ADGRL1: variants seen among roughly 807,000 people sequenced by gnomAD.
The protein encoded by ADGRL1 is adhesion G protein-coupled receptor L1, also known as CIRL-1.
A neutral mutation model predicts 148.9 loss-of-function variants in ADGRL1; 31 were observed. That is an observed-to-expected ratio of 0.21 (90% confidence interval 0.16 to 0.28). The LOEUF (loss-of-function observed/expected upper bound fraction) is 0.28, where lower values mean the gene tolerates loss of function less well. Ranked by LOEUF, ADGRL1 falls within the 10% of genes least tolerant of loss-of-function variation. The probability of loss-of-function intolerance (pLI) is 1.00; values close to 1 mark genes in which losing one functional copy is unlikely to be tolerated. For missense variants in ADGRL1, 1,521 were observed against 2,058.8 expected (o/e 0.74, Z 5.05); for synonymous variants, 937 against 900.3 (o/e 1.04, Z -0.73).
At chr19:14,181,023 G>A (rs1347044521) in intron 2 of ADGRL1, among the ~76,000 whole-genome samples, 1 of 152,088 alleles carries the variant, frequency 6.6e-6, no homozygotes, top group Non-Finnish European at 1.5e-5. Flanking sequence ...ACTCCAGCCT[G>A]GGCGACAGAG....
At chr19:14,201,321 G>GT (rs1436413917) in intron 1 of ADGRL1, among the ~76,000 whole-genome samples, 7 of 132,432 alleles carry the variant, frequency 5.3e-5, no homozygotes, top group Non-Finnish European at 8.0e-5. Flanking sequence ...TTTTGGCGGG[G>GT]TGGGGGGGGG....
intron 1 of ADGRL1, among the ~76,000 whole-genome samples, chr19:14,201,744 G>T (rs1175321792): frequency 6.6e-6 from 1 of 152,074 alleles, no homozygotes; most frequent in African/African-American, 2.4e-5. Context: ...CGCACACTGT[G>T]GGCCAGTGAT....
chr19:14,161,216 G>T lies in ADGRL1; in HGVS notation c.1510+96C>A. On this transcript the variant is annotated intron_variant, in intron 6 of 22. Coordinates refer to ENST00000361434, the MANE Select transcript of ADGRL1 (RefSeq NM_014921.5). This position sits in a 1 kb window ranked among gnomAD's most constrained non-coding sequence, Gnocchi z 4.4. ...TGACCCCTGCCCTCAGAAAACCTCTGCTCCGCAGTAGAGACCCCCACCCAC... is the reference window on the plus strand; with the variant it reads ...TGACCCCTGCCCTCAGAAAACCTCTTCTCCGCAGTAGAGACCCCCACCCAC... 8.1e-7 allele frequency: 1 copy of T among 1,234,582 alleles called. No individual in the cohort carries two copies. Among genetic ancestry groups the T allele is most frequent in the Non-Finnish European group, 1.1e-6 (1 of 925,216 alleles). 76.5% of individuals were successfully genotyped at this position (1,234,582 alleles called of 1,614,324 possible). A position where few individuals can be genotyped will look rare whatever the true frequency, so the allele number is the denominator to read the frequency against.
At chr19:14,182,042 A>AGGAG (rs1971233974) in intron 2 of ADGRL1, among the ~76,000 whole-genome samples, 1 of 152,166 alleles carries the variant, frequency 6.6e-6, no homozygotes, top group African/African-American at 2.4e-5. Context: ...ACTAGAATGT[A>AGGAG]GGAGCCAGAC....
At chr19:14,165,009 G>T (rs1001472622) in intron 4 of ADGRL1, among the ~76,000 whole-genome samples, 2 of 152,158 alleles carry the variant, frequency 1.3e-5, no homozygotes, top group Non-Finnish European at 2.9e-5. Flanking sequence ...GGCCCCGAGG[G>T]GATCGGGGGG....
In ADGRL1 at chr19:14,162,278, G is replaced by A. The variant is rs1279079053; in HGVS notation, c.1195+328C>T. The stretch of plus-strand genomic sequence containing the variant: ...GGATCCAAGGGTTCCTGGAGTAAAG[G>A]TGCCCAGGCCCCTGGGAGAGGCACT... On this transcript the variant is annotated intron_variant, in intron 5 of 22. Transcript: ENST00000361434. This position sits in a 1 kb window ranked among gnomAD's most constrained non-coding sequence, Gnocchi z 5.4. Among the ~76,000 whole-genome samples, 2 of 152,170 alleles carry A rather than the reference G, an allele frequency of 1.3e-5. No individual in the cohort carries two copies. The highest frequency in any genetic ancestry group is 2.9e-5 in the Non-Finnish European group (2 of 68,030).
chr19:14,203,849 T>A (rs1659039248), intron 1 of ADGRL1, among the ~76,000 whole-genome samples: 1 of 151,866 alleles, frequency 6.6e-6, no homozygotes, highest in Non-Finnish European at 1.5e-5. Context: ...GGGATTGAGA[T>A]GGGCGCCCCT....
At chr19:14,176,261 G>T (rs1221719722) in intron 3 of ADGRL1, among the ~76,000 whole-genome samples, 1 of 151,956 alleles carries the variant, frequency 6.6e-6, no homozygotes, top group Non-Finnish European at 1.5e-5. Context: ...TGAGGCAGGA[G>T]AATCGCTTGA....
intron 1 of ADGRL1, among the ~76,000 whole-genome samples, chr19:14,189,581 T>TACAGA (rs1250823885): frequency 1.3e-5 from 2 of 152,198 alleles, no homozygotes; most frequent in Non-Finnish European, 2.9e-5. Context: ...AAGGCTCACC[T>TACAGA]ACGTTCTAGC....
chr19:14,168,436 G>A (rs781075115), intron 4 of ADGRL1, among the ~76,000 whole-genome samples: 4 of 151,612 alleles, frequency 2.6e-5, no homozygotes, highest in Non-Finnish European at 5.9e-5. Flanking sequence ...ATGTCTGCGC[G>A]TGTGTGTGTG....
At position 14,152,942 on chromosome 19, in the gene ADGRL1, G is replaced by C. The variant is rs1968362862; in HGVS notation, c.3295-30C>G. On this transcript the variant is annotated intron_variant, in intron 18 of 22. Transcript: ENST00000361434. This position sits in a 1 kb window ranked among gnomAD's most constrained non-coding sequence, Gnocchi z 6.1. The stretch of plus-strand genomic sequence containing the variant: ...GAGGTGGAGGACAGTCAGCTGGCTG[G>C]GACACTGGCCTCCTCTGTGATCCAG... 6.2e-7 allele frequency: 1 copy of C among 1,610,586 alleles called. No individual in the cohort carries two copies. Among genetic ancestry groups the C allele is most frequent in the Non-Finnish European group, 8.5e-7 (1 of 1,178,728 alleles).
rs756027324 is a variant in ADGRL1 at position 14,151,213 on chromosome 19, T to C, written c.4070A>G (p.Glu1357Gly). 35 of 1,611,654 alleles carry C rather than the reference T, an allele frequency of 2.2e-5. No homozygotes were observed. Among genetic ancestry groups the C allele is most frequent in the Admixed American group, 3.3e-5 (2 of 59,952 alleles). The change falls in exon 23 of 23, where the codon GAG becomes GGG. Residue 1357 changes from glutamate to glycine, a missense_variant. Glu to Gly is a moderately conservative substitution (Grantham distance 98). Transcript: ENST00000361434. ...GGCGCCGTCCTCGGCCGTGCAGCTC[T>C]CCGACTCGTCCAGATCGCTCTGGTA... ...VLYQSDLDES[E>G]SCTAEDGATS...
At chr19:14,200,086 G>A (rs1383717719) in intron 1 of ADGRL1, among the ~76,000 whole-genome samples, 1 of 152,200 alleles carries the variant, frequency 6.6e-6, no homozygotes, top group Non-Finnish European at 1.5e-5. Context: ...TGGAGAAGAT[G>A]ACATTTCAGC....
At position 14,160,315 on chromosome 19, in the gene ADGRL1, G is replaced by A. The variant is rs767929518; in HGVS notation, c.1615-18C>T. ...CTCTTGATCTGCATGAGGTGGGGGC[G>A]GGAAGGGGGAATCCCAGGACTGTCA... On this transcript the variant is annotated intron_variant, in intron 7 of 22. Transcript: ENST00000361434. This position sits in a 1 kb window ranked among gnomAD's most constrained non-coding sequence, Gnocchi z 5.9. 5.7e-6 allele frequency: 9 copies of A among 1,576,962 alleles called. No individual in the cohort carries two copies. Among genetic ancestry groups the A allele is most frequent in the African/African-American group, 2.7e-5 (2 of 74,292 alleles).
At position 14,163,119 on chromosome 19, in the gene ADGRL1, T is replaced by C; in HGVS notation, c.682A>G (p.Ile228Val). 1.9e-6 allele frequency: 3 copies of C among 1,614,110 alleles called. No individual in the cohort carries two copies. The highest frequency in any genetic ancestry group is 1.7e-6 in the Non-Finnish European group (2 of 1,180,034). Residue 228 changes from isoleucine to valine, a missense_variant, in exon 5 of 23, where the codon ATC becomes GTC. Coordinates refer to ENST00000361434, the MANE Select transcript of ADGRL1 (RefSeq NM_014921.5). ...CGCGTCCGTAGGTCATACTTGACGATGTTGCGCGTGCGCTCCTTGTTGTAG... is the reference window on the plus strand; with the variant it reads ...CGCGTCCGTAGGTCATACTTGACGACGTTGCGCGTGCGCTCCTTGTTGTAG... ...VFYNKERTRN[I>V]VKYDLRTRIK...
intron 2 of ADGRL1, 110 bp from the exon 3 acceptor site, chr19:14,177,854 A>T (rs1970931732): frequency 7.8e-6 from 7 of 892,584 alleles, no homozygotes; most frequent in Non-Finnish European, 1.0e-5. Flanking sequence ...CCTGGAAGCC[A>T]GCTGAGGCAG....
At position 14,159,878 on chromosome 19, in the gene ADGRL1, C is replaced by G. The variant is rs547348826; in HGVS notation, c.1801-105G>C. 1.1e-4 allele frequency: 129 copies of G among 1,146,154 alleles called. No individual in the cohort carries two copies. The African/African-American group carries it at 1.7e-3, about 15-fold the overall frequency. The allele number at this position is 1,146,154 out of a possible 1,614,324, so 71.0% of individuals were successfully genotyped here. ...CTCTCTCGTCTGCGGTTACCACTGA[C>G]CCAGGGCTGGGCTATCAGCAAGACA... On this transcript the variant is annotated intron_variant, in intron 8 of 22. Coordinates refer to ENST00000361434, the MANE Select transcript of ADGRL1 (RefSeq NM_014921.5). This position sits in a 1 kb window ranked among gnomAD's most constrained non-coding sequence, Gnocchi z 6.0.
chr19:14,198,987 T>C (rs1972436272), intron 1 of ADGRL1, among the ~76,000 whole-genome samples: 1 of 152,156 alleles, frequency 6.6e-6, no homozygotes, highest in Admixed American at 6.5e-5. Context: ...TTCTAGAAGC[T>C]AGGGCCCGAG....
Position 14,162,538 on chromosome 19 carries a change from CA to C in ADGRL1, c.1195+67del. 1 of 1,440,740 alleles carries C rather than the reference CA, an allele frequency of 6.9e-7. No individual in the cohort carries two copies. The highest frequency in any genetic ancestry group is 9.5e-7 in the Non-Finnish European group (1 of 1,050,854). The allele number at this position is 1,440,740 out of a possible 1,614,324, so 89.2% of individuals were successfully genotyped here. On this transcript the variant is annotated intron_variant, in intron 5 of 22. Transcript: ENST00000361434. The surrounding 1 kb of genome is among the most constrained non-coding windows in gnomAD (Gnocchi z 5.4). ...GGATGGGGCTCCCCACTCTGGGACC[CA>C]GGGGTGGGTGGGGGTGGAGGGGACA...
Sources: gnomAD v4.1 joint callset for allele counts (sites outside exome capture counted in the v4.1 genomes callset) on GRCh38, gnomAD v4.1.1 for gene constraint, Gnocchi (gnomAD v3.1) non-coding constraint, MANE v1.5 for transcripts, NCBI Gene and HGNC (gene_info 2026-07-23, HGNC 2026-07-21) for gene names.